The following CATSPERT variants were observed in gnomAD, a reference collection of about 807,000 sequenced individuals.
CATSPERT encodes catsper channel auxiliary subunit tau.
the CATSPERT span, chr2:201,493,826 T>A: frequency 6.5e-7 from 1 of 1,536,144 alleles, no homozygotes; most frequent in South Asian, 1.2e-5. Context: ...TTTTTGGTAC[T>A]ACTATTTTTT....
chr2:201,538,826 ACT>A, the CATSPERT span, among the ~76,000 whole-genome samples: 1 of 151,402 alleles, frequency 6.6e-6, no homozygotes, highest in Non-Finnish European at 1.5e-5. Context: ...CCTACCCTCC[ACT>A]CTCTGATAGG....
At chr2:201,494,032 A>C in the CATSPERT span, 1 of 1,535,812 alleles carries the variant, frequency 6.5e-7, no homozygotes, top group South Asian at 1.2e-5. Flanking sequence ...ATCTGCAGGA[A>C]TATTTTCAAT....
chr2:201,571,972 C>T, the CATSPERT span: 2 of 1,613,314 alleles, frequency 1.2e-6, no homozygotes, highest in Middle Eastern at 3.3e-4. Flanking sequence ...GGAGGTGGTG[C>T]AAGATTCATA....
At chr2:201,563,392 ACGGGGCGGCTGGCCGGG>A in the CATSPERT span, among the ~76,000 whole-genome samples, 4,621 of 112,114 alleles carry the variant, frequency 0.041, 274 homozygotes, top group Admixed American at 0.088. Context: ...TCCCTCCCGG[ACGGGGCGGCTGGCCGGG>A]CGGGGGGCTG....
At chr2:201,562,187 C>CCTTT in the CATSPERT span, among the ~76,000 whole-genome samples, 10 of 121,274 alleles carry the variant, frequency 8.2e-5, no homozygotes, top group Non-Finnish European at 1.2e-4. Context: ...TCTAATAATT[C>CCTTT]TTTTTTTTTT....
the CATSPERT span, among the ~76,000 whole-genome samples, chr2:201,524,161 T>C: frequency 6.6e-6 from 1 of 151,736 alleles, no homozygotes; most frequent in African/African-American, 2.4e-5. Context: ...CCCCAAGACA[T>C]ATAGTCATCA....
At chr2:201,604,779 A>G in the CATSPERT span, 2 of 1,016,270 alleles carry the variant, frequency 2.0e-6, no homozygotes, top group Non-Finnish European at 2.9e-6. Context: ...TTATTGTATG[A>G]ATCTCTAGTA....
chr2:201,617,309 A>G, the CATSPERT span, among the ~76,000 whole-genome samples: 1 of 152,330 alleles, frequency 6.6e-6, no homozygotes, highest in Middle Eastern at 3.4e-3. Flanking sequence ...TTCGAACTAT[A>G]CTACAAGGCT....
chr2:201,595,302 C>T, the CATSPERT span, among the ~76,000 whole-genome samples: 6 of 151,794 alleles, frequency 4.0e-5, no homozygotes, highest in East Asian at 9.7e-4. Flanking sequence ...CATTCTCCTG[C>T]CTCAGCCTCC....
At chr2:201,601,715 A>G in the CATSPERT span, 12 of 1,595,178 alleles carry the variant, frequency 7.5e-6, no homozygotes, top group Non-Finnish European at 9.4e-6. Context: ...CCATTCTAAT[A>G]TCTAGAAGAG....
chr2:201,595,135 G>GTGA, the CATSPERT span, among the ~76,000 whole-genome samples: 7 of 151,134 alleles, frequency 4.6e-5, no homozygotes, highest in East Asian at 1.2e-3. Flanking sequence ...TTTGATGATG[G>GTGA]TGATGTACAG....
chr2:201,570,405 G>A, the CATSPERT span, among the ~76,000 whole-genome samples: 1 of 152,114 alleles, frequency 6.6e-6, no homozygotes, highest in Admixed American at 6.5e-5. Context: ...CATTTGAGAA[G>A]CATAAACCTA....
At chr2:201,515,751 A>G in the CATSPERT span, among the ~76,000 whole-genome samples, 22 of 152,238 alleles carry the variant, frequency 1.4e-4, no homozygotes, top group East Asian at 4.1e-3. Flanking sequence ...CCCAAATCTC[A>G]TATCAAATTG....
chr2:201,539,445 G>C, the CATSPERT span, among the ~76,000 whole-genome samples: 25 of 146,288 alleles, frequency 1.7e-4, no homozygotes, highest in South Asian at 5.2e-3. Context: ...TCATATGCCT[G>C]TTGGCCATAT....
the CATSPERT span, among the ~76,000 whole-genome samples, chr2:201,613,106 TA>T: frequency 6.6e-6 from 1 of 152,228 alleles, no homozygotes; most frequent in Non-Finnish European, 1.5e-5. Flanking sequence ...CCTGCCTCTG[TA>T]GACTCCACCT....
At chr2:201,534,440 T>G in the CATSPERT span, 1 of 984,416 alleles carries the variant, frequency 1.0e-6, no homozygotes. Context: ...CTGAATGTAA[T>G]ACATACATTA....
At chr2:201,542,953 A>G in the CATSPERT span, among the ~76,000 whole-genome samples, 1 of 152,016 alleles carries the variant, frequency 6.6e-6, no homozygotes, top group East Asian at 1.9e-4. Flanking sequence ...ATTTTCCCCT[A>G]TGTTTTCTTC....
chr2:201,491,090 G>T, the CATSPERT span: 121 of 1,193,576 alleles, frequency 1.0e-4, no homozygotes, highest in Admixed American at 4.5e-4. Flanking sequence ...CACACAGTTG[G>T]ATGCAGATAT....
At chr2:201,522,179 G>T in the CATSPERT span, among the ~76,000 whole-genome samples, 1 of 152,106 alleles carries the variant, frequency 6.6e-6, no homozygotes, top group African/African-American at 2.4e-5. Context: ...CCAAGAGAAA[G>T]AAATTAAGGA....
Sources: allele counts gnomAD v4.1 joint callset (sites outside exome capture counted in the v4.1 genomes callset), GRCh38; gene constraint gnomAD v4.1.1; transcripts MANE v1.5; gene names NCBI Gene and HGNC (gene_info 2026-07-23, HGNC 2026-07-21).